The following TMEM121B variants were observed in gnomAD, a reference collection of about 807,000 sequenced individuals.
TMEM121B encodes the protein transmembrane protein 121B, also known as cat eye syndrome chromosome region, candidate 6.
A neutral mutation model predicts 25.1 loss-of-function variants in TMEM121B; 14 were observed. That is an observed-to-expected ratio of 0.56 (90% CI 0.37 to 0.87). The LOEUF is 0.87. Among genes scored for constraint, TMEM121B ranks in the 40% least tolerant of loss-of-function variants. TMEM121B has a pLI of 0.00. For synonymous variants in TMEM121B, 458 were observed against 420.9 expected, an observed-to-expected ratio of 1.09 and a Z score of -1.08; for missense variants, 850 against 854.6, an observed-to-expected ratio of 0.99 and a Z score of 0.07.
Position 17,119,543 on chromosome 22 carries a change from G to C in TMEM121B, c.1585C>G (p.Arg529Gly), listed in dbSNP as rs898415938. 1.9e-6 allele frequency: 3 copies of C among 1,554,370 alleles called. No homozygotes were observed. The highest frequency in any genetic ancestry group is 2.6e-6 in the Non-Finnish European group (3 of 1,151,172). The change falls in exon 1 of 1, where the codon CGG becomes GGG. Residue 529 changes from arginine to glycine, a missense_variant. Physicochemically the swap from Arg to Gly is moderately radical, Grantham distance 125. Transcript: ENST00000331437. ...GGAGCACCGTAGCCCCCTCTGGCCC[G>C]ACTCGGGGAGGCCCGATTGCCCCGG... is the stretch of plus-strand genomic sequence containing the variant. ...WDRGNRASPS[R>G]ARGGYGAPPS...
chr22:17,120,044 G>C lies in TMEM121B; in HGVS notation c.1084C>G (p.Leu362Val). The C allele has an allele frequency of 6.2e-7, 1 of 1,610,310 alleles. No individual in the cohort carries two copies. Among genetic ancestry groups the C allele is most frequent in the Non-Finnish European group, 8.5e-7 (1 of 1,179,676 alleles). Residue 362 changes from leucine to valine, a missense_variant, in exon 1 of 1, where the codon CTG (leucine) becomes GTG (valine). Leu to Val is a conservative substitution (Grantham distance 32). Coordinates refer to ENST00000331437, the MANE Select transcript of TMEM121B (RefSeq NM_031890.4). ...ATGGCCCGCACCAAGCTGTAGAGCA[G>C]GGGCACCGACAGCGCCATGGTGAGA... ...FRLTMALSVP[L>V]LYSLVRAISE... is the part of the protein sequence containing the mutation.
chr22:17,117,015 G>C lies in TMEM121B; in HGVS notation c.*2376C>G, dbSNP rs1399390084. 6.6e-6 allele frequency: 1 copy of C among 152,598 alleles called. No individual in the cohort carries two copies. Among genetic ancestry groups the C allele is most frequent in the Admixed American group, 6.5e-5 (1 of 15,282 alleles). 9.5% of individuals were successfully genotyped at this position (152,598 alleles called of 1,614,324 possible). On this transcript the variant is annotated 3_prime_UTR_variant, in exon 1 of 1. Coordinates refer to ENST00000331437, the MANE Select transcript of TMEM121B (RefSeq NM_031890.4). ...TTTTACAGTCAGGGAGGCCCAGCAG[G>C]AGATGGCCATCCAAACAATAGAAGG... is the stretch of plus-strand genomic sequence containing the variant.
rs562883725 is a variant in TMEM121B, at chr22:17,119,375, C to G, written c.*16G>C. 1.5e-5 allele frequency: 24 copies of G among 1,574,184 alleles called. No homozygotes were observed. Among genetic ancestry groups the G allele is most frequent in the Admixed American group, 1.5e-4 (8 of 52,974 alleles). On this transcript the variant is annotated 3_prime_UTR_variant, in exon 1 of 1. Coordinates refer to ENST00000331437, the MANE Select transcript of TMEM121B (RefSeq NM_031890.4). ...GGGACTCTCAACCCAAAAACAAGGA[C>G]CCGTGCCCTTCACCCTCAATTCTGA...
In TMEM121B at chr22:17,119,990, C is replaced by T; in HGVS notation, c.1138G>A (p.Ala380Thr). The T allele has an allele frequency of 6.3e-7, 1 of 1,595,646 alleles. No homozygotes were observed. The highest frequency in any genetic ancestry group is 1.1e-5 in the South Asian group (1 of 90,082). The change falls in exon 1 of 1, where the codon GCA (alanine) becomes ACA (threonine). Residue 380 changes from alanine to threonine, a missense_variant. Coordinates refer to ENST00000331437, the MANE Select transcript of TMEM121B (RefSeq NM_031890.4). ...ISEAGAPPGS[A>T]GPLLLQPQRH... ...TGGGGCTGCAGCAGCAGGGGTCCTGCCGATCCCGGGGGCGCGCCCGCCTCG... is the reference window on the plus strand; with the variant it reads ...TGGGGCTGCAGCAGCAGGGGTCCTGTCGATCCCGGGGGCGCGCCCGCCTCG...
chr22:17,120,278 C>A lies in TMEM121B; in HGVS notation c.850G>T (p.Ala284Ser), dbSNP rs753397865. The A allele has an allele frequency of 7.7e-7, 1 of 1,292,160 alleles. No individual in the cohort carries two copies. The highest frequency in any genetic ancestry group is 9.8e-7 in the Non-Finnish European group (1 of 1,023,596). The allele number at this position is 1,292,160 out of a possible 1,614,324, so 80.0% of individuals were successfully genotyped here. ...CGGGCTCCGCGTGCCTTGGCCCCAG[C>A]GGTAGCGGCCGAGGGGGCGGGCAGA... ...LHLPAPSAAT[A>S]GAKARGARGG... Residue 284 changes from alanine (A) to serine (S), a missense_variant, in exon 1 of 1, where the codon GCT (alanine) becomes TCT (serine). Coordinates refer to ENST00000331437, the MANE Select transcript of TMEM121B (RefSeq NM_031890.4).
chr22:17,120,078 C>T lies in TMEM121B; in HGVS notation c.1050G>A (p.Thr350=). ...LIELRAPFGT[T]GFRLTMALSV... is the part of the protein sequence containing the mutation. ...ACAGCGCCATGGTGAGACGGAAGCC[C>T]GTGGTGCCGAAGGGCGCGCGTAGCT... Residue 350 remains threonine, a synonymous_variant, in exon 1 of 1, where the codon ACG becomes ACA. Transcript: ENST00000331437. The T allele has an allele frequency of 6.2e-7, 1 of 1,611,288 alleles. No homozygotes were observed. The highest frequency in any genetic ancestry group is 8.5e-7 in the Non-Finnish European group (1 of 1,179,566).
chr22:17,120,460 G>A lies in TMEM121B; in HGVS notation c.668C>T (p.Thr223Ile). ...GLLDLYLIAVTDLYWCSWIAT... is the reference protein window; with the variant it reads ...GLLDLYLIAVIDLYWCSWIAT... ...GATCCAGGAGCACCAGTACAGGTCGGTGACGGCGATGAGGTACAGGTCCAG... is the reference window on the plus strand; with the variant it reads ...GATCCAGGAGCACCAGTACAGGTCGATGACGGCGATGAGGTACAGGTCCAG... The change falls in exon 1 of 1, where the codon ACC (threonine) becomes ATC (isoleucine). Residue 223 changes from threonine to isoleucine, a missense_variant. Transcript: ENST00000331437. The A allele has an allele frequency of 6.3e-6, 10 of 1,586,252 alleles. No individual in the cohort carries two copies. Among genetic ancestry groups the A allele is most frequent in the Non-Finnish European group, 8.5e-6 (10 of 1,170,032 alleles).
rs2061492946 is a variant in TMEM121B, at chr22:17,120,444, G to A, written c.684C>T (p.Cys228=). 1 of 1,578,008 alleles carries A rather than the reference G, an allele frequency of 6.3e-7. No homozygotes were observed. Among genetic ancestry groups the A allele is most frequent in the Admixed American group, 1.8e-5 (1 of 57,078 alleles). Reference sequence around the variant, plus strand: ...CCACCAGGTCAGTGGCGATCCAGGAGCACCAGTACAGGTCGGTGACGGCGA... The same window carrying A: ...CCACCAGGTCAGTGGCGATCCAGGAACACCAGTACAGGTCGGTGACGGCGA... ...YLIAVTDLYW[C]SWIATDLVVV... Residue 228 remains cysteine, a synonymous_variant, in exon 1 of 1, where the codon TGC becomes TGT. Transcript: ENST00000331437.
At position 17,120,564 on chromosome 22, in the gene TMEM121B, G is replaced by T; in HGVS notation, c.564C>A (p.Arg188=). The stretch of plus-strand genomic sequence containing the variant: ...GGCACCTGGGACTGGGGGCGCAGCC[G>T]CGGCGCCGACCTCTGCGGCCGGGGC... ...PDRPGRRGRR[R]GCAPSPRCRW... Residue 188 remains arginine (R), a synonymous_variant, in exon 1 of 1, where the codon CGC becomes CGA. Coordinates refer to ENST00000331437, the MANE Select transcript of TMEM121B (RefSeq NM_031890.4). The T allele has an allele frequency of 6.7e-7, 1 of 1,494,990 alleles. No individual in the cohort carries two copies. Among genetic ancestry groups the T allele is most frequent in the Non-Finnish European group, 8.9e-7 (1 of 1,125,984 alleles). The allele number at this position is 1,494,990 out of a possible 1,614,324, so 92.6% of individuals were successfully genotyped here. A position where few individuals can be genotyped will look rare whatever the true frequency, so the allele number is the denominator to read the frequency against.
chr22:17,120,105 G>A lies in TMEM121B; in HGVS notation c.1023C>T (p.Ile341=). The change falls in exon 1 of 1, where the codon ATC becomes ATT. Residue 341 remains isoleucine, a synonymous_variant. Coordinates refer to ENST00000331437, the MANE Select transcript of TMEM121B (RefSeq NM_031890.4). ...TGGTGCCGAAGGGCGCGCGTAGCTCGATGAGGTCTAGGATGGACGTGCCCA... is the reference window on the plus strand; with the variant it reads ...TGGTGCCGAAGGGCGCGCGTAGCTCAATGAGGTCTAGGATGGACGTGCCCA... ...LILGTSILDL[I]ELRAPFGTTG... is the part of the protein sequence containing the mutation. 2 of 1,611,814 alleles carry A rather than the reference G, an allele frequency of 1.2e-6. No individual in the cohort carries two copies. The highest frequency in any genetic ancestry group is 1.1e-5 in the South Asian group (1 of 91,086).
chr22:17,120,323 G>A lies in TMEM121B; in HGVS notation c.805C>T (p.His269Tyr). 6.8e-7 allele frequency: 1 copy of A among 1,475,288 alleles called. No homozygotes were observed. Among genetic ancestry groups the A allele is most frequent in the South Asian group, 1.3e-5 (1 of 76,492 alleles). 91.4% of individuals were successfully genotyped at this position (1,475,288 alleles called of 1,614,324 possible). A position where few individuals can be genotyped will look rare whatever the true frequency, so the allele number is the denominator to read the frequency against. ...GGCAGATGCAGGGGCGGCGCGGCGT[G>A]GTGGTGGTGCAGGTGGTGGTTGTGC... ...GAHNHHLHHH[H>Y]AAPPLHLPAP... The change falls in exon 1 of 1, where the codon CAC becomes TAC. Residue 269 changes from histidine to tyrosine, a missense_variant. Physicochemically the swap from His to Tyr is moderately conservative, Grantham distance 83 (BLOSUM62 2). Coordinates refer to ENST00000331437, the MANE Select transcript of TMEM121B (RefSeq NM_031890.4).
rs768546783 is a variant in TMEM121B, at chr22:17,119,748, G to T, written c.1380C>A (p.Ser460=). The change falls in exon 1 of 1, where the codon TCC becomes TCA. Residue 460 remains serine (S), a synonymous_variant. Transcript: ENST00000331437. ...GAAGGCGGCTGCAGCTGCCAGGCCC[G>T]GAGGCCTGGCCCCAGGATGCAGCCG... is the stretch of plus-strand genomic sequence containing the variant. The part of the protein sequence containing the change: ...AAAAASWGQA[S]GPGSCSRLLR... The T allele has an allele frequency of 6.4e-6, 10 of 1,553,012 alleles. No individual in the cohort carries two copies. The Admixed American group carries it at 1.9e-4, about 30-fold the overall frequency.
Position 17,118,046 on chromosome 22 carries a change from C to G in TMEM121B, c.*1345G>C, listed in dbSNP as rs1198798339. The G allele has an allele frequency of 6.6e-6, 1 of 152,154 alleles. No homozygotes were observed. The highest frequency in any genetic ancestry group is 1.5e-5 in the Non-Finnish European group (1 of 68,034). The allele number at this position is 152,154 out of a possible 1,614,324, so 9.4% of individuals were successfully genotyped here. On this transcript the variant is annotated 3_prime_UTR_variant, in exon 1 of 1. Transcript: ENST00000331437. ...AGTGAGTATTTCCTGGCCTTGTTAG[C>G]TGCTGTCCTCCTGCACCCTTAAAAT...
Position 17,119,876 on chromosome 22 carries a change from C to T in TMEM121B, c.1252G>A (p.Val418Met), listed in dbSNP as rs2061488714. Residue 418 changes from valine (V) to methionine (M), a missense_variant, in exon 1 of 1, where the codon GTG (valine) becomes ATG (methionine). Physicochemically the swap from Val to Met is conservative, Grantham distance 21. Coordinates refer to ENST00000331437, the MANE Select transcript of TMEM121B (RefSeq NM_031890.4). ...TAGCGCAGGTGCGCGGGCAGCGGCA[C>T]GCGGCCCTCCAGCATCAGCTCCACC... ...TLVELMLEGR[V>M]PLPAHLRYLL... is the part of the protein sequence containing the mutation. The T allele has an allele frequency of 2.5e-6, 4 of 1,570,110 alleles. No individual in the cohort carries two copies. The South Asian group carries it at 3.4e-5, about 13-fold the overall frequency.
Position 17,120,101 on chromosome 22 carries a change from G to T in TMEM121B, c.1027C>A (p.Leu343Ile). The T allele has an allele frequency of 6.2e-7, 1 of 1,611,796 alleles. No homozygotes were observed. The highest frequency in any genetic ancestry group is 8.5e-7 in the Non-Finnish European group (1 of 1,179,698). Residue 343 changes from leucine (L) to isoleucine (I), a missense_variant, in exon 1 of 1, where the codon CTA becomes ATA. Leu to Ile is a conservative substitution (Grantham distance 5, BLOSUM62 2). Transcript: ENST00000331437. ...CCCGTGGTGCCGAAGGGCGCGCGTA[G>T]CTCGATGAGGTCTAGGATGGACGTG... ...LGTSILDLIELRAPFGTTGFR... is the reference protein window; with the variant it reads ...LGTSILDLIEIRAPFGTTGFR...
chr22:17,116,440 C>T lies in TMEM121B; in HGVS notation c.*2951G>A, dbSNP rs1601356559. 6.6e-6 allele frequency: 1 copy of T among 152,376 alleles called. No individual in the cohort carries two copies. Among genetic ancestry groups the T allele is most frequent in the Non-Finnish European group, 1.5e-5 (1 of 68,032 alleles). 9.4% of individuals were successfully genotyped at this position (152,376 alleles called of 1,614,324 possible). On this transcript the variant is annotated 3_prime_UTR_variant, in exon 1 of 1. Coordinates refer to ENST00000331437, the MANE Select transcript of TMEM121B (RefSeq NM_031890.4). Reference sequence around the variant, plus strand: ...CGCCAGCTAGCTCTCTTTCACAAAACCCACGGATGCAGAATCAGGACATGT... The same window carrying T: ...CGCCAGCTAGCTCTCTTTCACAAAATCCACGGATGCAGAATCAGGACATGT...
Position 17,121,117 on chromosome 22 carries a change from G to T in TMEM121B, c.11C>A (p.Ala4Glu), listed in dbSNP as rs1185601474. The T allele has an allele frequency of 6.5e-6, 9 of 1,387,234 alleles. No homozygotes were observed. The highest frequency in any genetic ancestry group is 8.4e-6 in the Non-Finnish European group (9 of 1,069,638). The allele number at this position is 1,387,234 out of a possible 1,614,324, so 85.9% of individuals were successfully genotyped here. A position where few individuals can be genotyped will look rare whatever the true frequency, so the allele number is the denominator to read the frequency against. The change falls in exon 1 of 1, where the codon GCG becomes GAG. Residue 4 changes from alanine (A) to glutamate (E), a missense_variant. Coordinates refer to ENST00000331437, the MANE Select transcript of TMEM121B (RefSeq NM_031890.4). ...GGAGACCGAGCGAGGGTGGCCGAGC[G>T]CCGGGCGCATTGTCCTCCGAGGGGC... MRP[A>E]LGHPRSVSSA...
At position 17,119,166 on chromosome 22, in the gene TMEM121B, TAGG is replaced by T. The variant is rs966287940; in HGVS notation, c.*222_*224del. 57 of 554,130 alleles carry T rather than the reference TAGG, an allele frequency of 1.0e-4. No individual in the cohort carries two copies. Among genetic ancestry groups the T allele is most frequent in the Admixed American group, 3.4e-4 (9 of 26,360 alleles). The allele number at this position is 554,130 out of a possible 1,614,324, so 34.3% of individuals were successfully genotyped here. On this transcript the variant is annotated 3_prime_UTR_variant, in exon 1 of 1. Transcript: ENST00000331437. ...CTTGGAGGTCAGGATTGGGGTAGGATAGGAGAAGAGAGGAGAGGGTAAGTGCAC... is the reference window on the plus strand; with the variant it reads ...CTTGGAGGTCAGGATTGGGGTAGGATAGAAGAGAGGAGAGGGTAAGTGCAC...
chr22:17,119,385 T>A lies in TMEM121B; in HGVS notation c.*6A>T. The A allele has an allele frequency of 6.3e-7, 1 of 1,588,472 alleles. No homozygotes were observed. Among genetic ancestry groups the A allele is most frequent in the African/African-American group, 1.4e-5 (1 of 73,970 alleles). On this transcript the variant is annotated 3_prime_UTR_variant, in exon 1 of 1. Transcript: ENST00000331437. ...ACCCAAAAACAAGGACCCGTGCCCT[T>A]CACCCTCAATTCTGAGAGGCCACAG... is the stretch of plus-strand genomic sequence containing the variant.
Sources: gnomAD v4.1 joint callset for allele counts on GRCh38, gnomAD v4.1.1 for gene constraint, MANE v1.5 for transcripts, NCBI Gene and HGNC (gene_info 2026-07-23, HGNC 2026-07-21) for gene names.